Variants in NAV3 observed in about 807,000 individuals in gnomAD.
NAV3 encodes neuron navigator 3, also known as pore membrane and/or filament interacting like protein 1.
A neutral mutation model predicts 244.7 loss-of-function variants in NAV3; 87 were observed. The observed-to-expected ratio is 0.36, with a 90% confidence interval of 0.30 to 0.42. The LOEUF is 0.42. Ranked by LOEUF, NAV3 falls within the 20% of genes least tolerant of loss-of-function variation. NAV3 has a pLI of 1.00. For missense variants in NAV3, 2,663 were observed against 2,893.3 expected (o/e 0.92, Z 1.83); for synonymous variants, 1,126 against 1,042.2 (o/e 1.08, Z -1.55).
At chr12:77,802,026 C>G (rs1302622394) in intron 2 of NAV3, among the ~76,000 whole-genome samples, 2 of 152,074 alleles carry the variant, frequency 1.3e-5, no homozygotes, top group Non-Finnish European at 2.9e-5. Flanking sequence ...ATCATGTAGT[C>G]TCTTAGGGGC....
At chr12:78,109,301 CA>C (rs957775103) in intron 12 of NAV3, among the ~76,000 whole-genome samples, 4 of 151,910 alleles carry the variant, frequency 2.6e-5, no homozygotes, top group African/African-American at 9.7e-5. Flanking sequence ...AAAATTGAAT[CA>C]GTAATAAAAA....
rs780654756 is a variant in NAV3 at position 78,119,555 on chromosome 12, A to G, written c.3359A>G (p.Gln1120Arg). 11 of 1,614,214 alleles carry G rather than the reference A, an allele frequency of 6.8e-6. No homozygotes were observed. The highest frequency in any genetic ancestry group is 9.3e-6 in the Non-Finnish European group (11 of 1,180,032). ...RKTSLDGSQN[Q>R]DDVVLHVSSK... ...ACCAGTTTGGACGGTTCACAGAATC[A>G]GGATGATGTTGTGCTGCATGTTAGC... is the stretch of plus-strand genomic sequence containing the variant. Residue 1120 changes from glutamine to arginine, a missense_variant, in exon 15 of 40, where the codon CAG becomes CGG. Around this residue, in one of 6 missense-constraint regions of NAV3, gnomAD observed 1,521 missense variants for 1,497.0 expected, o/e 1.02. Transcript: ENST00000397909.
intron 11 of NAV3, among the ~76,000 whole-genome samples, chr12:78,051,403 A>G (rs1882741317): frequency 6.6e-6 from 1 of 152,186 alleles, no homozygotes; most frequent in Non-Finnish European, 1.5e-5. Flanking sequence ...TCTGTTTTTC[A>G]GAGTGATTTT....
intron 34 of NAV3, among the ~76,000 whole-genome samples, chr12:78,194,175 T>C (rs300503): frequency 0.46 from 69,799 of 151,724 alleles, 16,895 homozygotes; most frequent in East Asian, 0.8. Context: ...TCTATCATCC[T>C]ACACATATGT....
intron 2 of NAV3, among the ~76,000 whole-genome samples, chr12:77,606,055 G>A (rs1257321666): frequency 6.6e-6 from 1 of 152,072 alleles, no homozygotes; most frequent in East Asian, 1.9e-4. Flanking sequence ...CCCAGAATTT[G>A]TTGAGTTTCA....
chr12:77,942,314 G>C (rs1268214192), intron 3 of NAV3, among the ~76,000 whole-genome samples: 2 of 152,054 alleles, frequency 1.3e-5, no homozygotes, highest in South Asian at 4.2e-4. Context: ...GGAGGTTATG[G>C]TGAGCGAGGA....
chr12:77,975,617 T>G (rs1868315065), intron 5 of NAV3, among the ~76,000 whole-genome samples: 1 of 152,170 alleles, frequency 6.6e-6, no homozygotes, highest in South Asian at 2.1e-4. Context: ...AGAGAAGAAA[T>G]GCTCTTAGAC....
chr12:77,744,265 A>T (rs955136574), intron 2 of NAV3, among the ~76,000 whole-genome samples: 1 of 152,026 alleles, frequency 6.6e-6, no homozygotes, highest in Non-Finnish European at 1.5e-5. Context: ...GTAGACCCAC[A>T]CAGATATGGT....
chr12:77,877,168 A>T (rs1430417809), intron 1 of NAV3, among the ~76,000 whole-genome samples: 1 of 152,124 alleles, frequency 6.6e-6, no homozygotes, highest in Non-Finnish European at 1.5e-5. Flanking sequence ...GGCTGTAAAA[A>T]GTTCAAAAAT....
chr12:77,949,111 A>G (rs566539289), intron 3 of NAV3, among the ~76,000 whole-genome samples: 1 of 152,030 alleles, frequency 6.6e-6, no homozygotes, highest in Non-Finnish European at 1.5e-5. Context: ...GAAAAATCGT[A>G]TTTCACACCT....
intron 8 of NAV3, 55 bp downstream of exon 8, chr12:78,007,500 T>C (rs2136606061): frequency 6.5e-7 from 1 of 1,537,224 alleles, no homozygotes; most frequent in Non-Finnish European, 8.8e-7. Context: ...GCCTACATAC[T>C]CAGAGTGTAA....
chr12:78,206,945 G>C (rs1169760634), intron 39 of NAV3, among the ~76,000 whole-genome samples: 1 of 135,194 alleles, frequency 7.4e-6, no homozygotes, highest in Non-Finnish European at 1.5e-5. Context: ...CACAACCTCC[G>C]CCCCCCGAGT....
Position 77,769,863 on chromosome 12 carries a change from A to G in NAV3, c.73-170456A>G, listed in dbSNP as rs149416386. Among the ~76,000 whole-genome samples the G allele has an allele frequency of 7.1e-3, 1,087 of 152,282 alleles. 8 individuals carry two copies. Among genetic ancestry groups the G allele is most frequent in the Middle Eastern group, 0.044 (13 of 294 alleles). On this transcript the variant is annotated intron_variant, in intron 2 of 8. Transcript: ENST00000550042. ...TAATTTTAAAAATTCATCACTTTCT[A>G]TTATGAGAAAGTGATGTATTATAAA...
intron 3 of NAV3, among the ~76,000 whole-genome samples, chr12:77,960,488 T>TAAC (rs1565960560): frequency 7.4e-5 from 11 of 147,868 alleles, no homozygotes; most frequent in African/African-American, 2.4e-4. Context: ...TAAACACATA[T>TAAC]ATATATAACA....
chr12:77,754,703 GA>G (rs1411341938), intron 2 of NAV3, among the ~76,000 whole-genome samples: 3 of 152,136 alleles, frequency 2.0e-5, no homozygotes, highest in Non-Finnish European at 4.4e-5. Flanking sequence ...AAAATCTTAC[GA>G]AGATGTTAAT....
At chr12:77,748,478 G>T (rs1868672520) in intron 2 of NAV3, among the ~76,000 whole-genome samples, 1 of 152,144 alleles carries the variant, frequency 6.6e-6, no homozygotes, top group Non-Finnish European at 1.5e-5. Flanking sequence ...GGCAAGACAT[G>T]AAAACAACCT....
intron 2 of NAV3, among the ~76,000 whole-genome samples, chr12:77,658,749 A>G (rs1830093026): frequency 1.3e-5 from 2 of 151,996 alleles, no homozygotes; most frequent in Non-Finnish European, 2.9e-5. Flanking sequence ...TGGTACTGGT[A>G]GCAAAACAGA....
At chr12:77,822,101 T>C (rs887213600) in intron 2 of NAV3, among the ~76,000 whole-genome samples, 24 of 152,198 alleles carry the variant, frequency 1.6e-4, no homozygotes, top group Admixed American at 1.4e-3. Context: ...CTACATTTGC[T>C]TTTCATTATA....
chr12:78,134,262 A>G (rs892751074), intron 18 of NAV3, among the ~76,000 whole-genome samples: 14 of 152,196 alleles, frequency 9.2e-5, no homozygotes, highest in Admixed American at 1.3e-4. Context: ...TCGGAAGCAT[A>G]GAATCTCACA....
Sources: gnomAD v4.1 joint callset for allele counts (sites outside exome capture counted in the v4.1 genomes callset) on GRCh38, gnomAD v4.1.1 for gene constraint, gnomAD v4.1.1 regional missense constraint, MANE v1.5 for transcripts, NCBI Gene and HGNC (gene_info 2026-07-23, HGNC 2026-07-21) for gene names.